The following CDH12 variants were observed in gnomAD, a reference collection of about 807,000 sequenced individuals.
CDH12 encodes cadherin 12, also known as cadherin-12.
CDH12 carries 41 observed loss-of-function variants against 74.1 expected under a neutral mutation model. That is an observed-to-expected ratio of 0.55 (90% CI 0.43 to 0.72). CDH12 has a LOEUF of 0.72. Ranked by LOEUF, CDH12 falls within the 30% of genes least tolerant of loss-of-function variation. The pLI, the probability that CDH12 is intolerant of heterozygous loss-of-function variation, is 0.00. For missense variants in CDH12, 945 were observed against 977.2 expected, an observed-to-expected ratio of 0.97 and a Z score of 0.44; for synonymous variants, 399 against 355.0, an observed-to-expected ratio of 1.12 and a Z score of -1.39.
chr5:22,113,028 T>C (rs886294148), intron 4 of CDH12, among the ~76,000 whole-genome samples: 1 of 152,198 alleles, frequency 6.6e-6, no homozygotes. Flanking sequence ...TAAACTCCGA[T>C]ATTTTTGTCT....
intron 11 of CDH12, among the ~76,000 whole-genome samples, chr5:21,770,020 A>G (rs1745234532): frequency 6.6e-6 from 1 of 152,192 alleles, no homozygotes; most frequent in Non-Finnish European, 1.5e-5. Flanking sequence ...TAACTAACTC[A>G]GAGAGCAAGA....
At chr5:22,850,676 G>A (rs989406423) in intron 1 of CDH12, among the ~76,000 whole-genome samples, 1 of 151,864 alleles carries the variant, frequency 6.6e-6, no homozygotes, top group Non-Finnish European at 1.5e-5. Flanking sequence ...GCTAGAAGAT[G>A]AACAGGATAA....
chr5:22,526,388 A>T (rs764021993), intron 1 of CDH12, among the ~76,000 whole-genome samples: 8 of 152,216 alleles, frequency 5.3e-5, no homozygotes, highest in Non-Finnish European at 1.0e-4. Flanking sequence ...ATTATGACAT[A>T]GACCCGGAGA....
At chr5:21,951,040 G>C (rs1755837837) in intron 6 of CDH12, among the ~76,000 whole-genome samples, 1 of 151,770 alleles carries the variant, frequency 6.6e-6, no homozygotes. Flanking sequence ...GCCAGTCTCA[G>C]CCTCCCAAAG....
intron 8 of CDH12, among the ~76,000 whole-genome samples, chr5:21,826,508 G>A (rs1465013997): frequency 6.6e-6 from 1 of 152,060 alleles, no homozygotes; most frequent in Non-Finnish European, 1.5e-5. Flanking sequence ...CTTCTTTTCT[G>A]TTACTGCAGA....
chr5:22,216,746 C>G (rs1482315912), intron 3 of CDH12, among the ~76,000 whole-genome samples: 3 of 151,772 alleles, frequency 2.0e-5, no homozygotes, highest in African/African-American at 7.3e-5. Context: ...CGCACATATA[C>G]TCATGAGTTT....
chr5:22,223,538 G>T (rs564939697), intron 3 of CDH12, among the ~76,000 whole-genome samples: 10 of 152,100 alleles, frequency 6.6e-5, no homozygotes, highest in Admixed American at 6.6e-4. Context: ...AGATTTTATG[G>T]TTAAGTTTTA....
intron 5 of CDH12, among the ~76,000 whole-genome samples, chr5:21,999,583 G>A (rs10056037): frequency 0.2 from 30,333 of 151,876 alleles, 3,654 homozygotes; most frequent in African/African-American, 0.32. Context: ...TATAATGTTC[G>A]TGATAAATCT....
At chr5:22,814,185 A>G (rs189959156) in intron 1 of CDH12, among the ~76,000 whole-genome samples, 9 of 152,324 alleles carry the variant, frequency 5.9e-5, no homozygotes, top group Admixed American at 3.9e-4. Context: ...GGTACATTAA[A>G]TATTATAAAT....
chr5:21,780,563 A>G (rs142254919), intron 11 of CDH12, among the ~76,000 whole-genome samples: 316 of 152,342 alleles, frequency 2.1e-3, no homozygotes, highest in Non-Finnish European at 3.5e-3. Context: ...CACCTGTTTC[A>G]TGTGTGTATG....
At chr5:22,014,543 G>A (rs1373248916) in intron 5 of CDH12, among the ~76,000 whole-genome samples, 2 of 151,948 alleles carry the variant, frequency 1.3e-5, no homozygotes, top group Non-Finnish European at 2.9e-5. Flanking sequence ...ACCTTTTCTT[G>A]ATGGTGTAGG....
chr5:22,245,677 T>A (rs1161339248), intron 3 of CDH12, among the ~76,000 whole-genome samples: 2 of 151,796 alleles, frequency 1.3e-5, no homozygotes, highest in Non-Finnish European at 2.9e-5. Context: ...TCATATATAT[T>A]TAAATCTGTA....
At chr5:22,701,242 T>G (rs1742698107) in intron 1 of CDH12, among the ~76,000 whole-genome samples, 1 of 152,124 alleles carries the variant, frequency 6.6e-6, no homozygotes, top group Non-Finnish European at 1.5e-5. Context: ...CTACTATTAC[T>G]CTCTAAGTTC....
intron 3 of CDH12, among the ~76,000 whole-genome samples, chr5:22,260,877 T>C (rs1292742947): frequency 6.6e-6 from 1 of 151,992 alleles, no homozygotes; most frequent in Non-Finnish European, 1.5e-5. Context: ...CTTTGACTCA[T>C]AGAATTATAT....
At chr5:21,890,457 G>C (rs958869911) in intron 6 of CDH12, among the ~76,000 whole-genome samples, 5 of 152,046 alleles carry the variant, frequency 3.3e-5, no homozygotes, top group Non-Finnish European at 5.9e-5. Context: ...AGAGTGAAAA[G>C]AACTATACAG....
intron 1 of CDH12, among the ~76,000 whole-genome samples, chr5:22,618,360 A>C (rs913329715): frequency 6.6e-6 from 1 of 152,142 alleles, no homozygotes. Context: ...TCTAGGATCA[A>C]CATTACAAGG....
intron 1 of CDH12, among the ~76,000 whole-genome samples, chr5:22,570,686 T>C (rs1198046915): frequency 7.4e-6 from 1 of 135,438 alleles, no homozygotes; most frequent in Non-Finnish European, 1.7e-5. Flanking sequence ...TGAAATGATA[T>C]TTGAAATGAT....
At position 22,117,226 on chromosome 5, in the gene CDH12, A is replaced by G. The variant is rs560837179; in HGVS notation, c.-186-38364T>C. 3.5e-4 allele frequency among the ~76,000 whole-genome samples: 53 copies of G among 150,520 alleles called. No individual in the cohort carries two copies. In the South Asian group the frequency reaches 0.011, roughly 31 times the overall value. ...AATATTGATTTCACTTCTTGTATAT[A>G]CTAAATTATTTCTAGTAGCTTTAAA... On this transcript the variant is annotated intron_variant, in intron 4 of 14. Transcript: ENST00000382254.
chr5:21,865,956 A>G (rs1315569394), intron 6 of CDH12, among the ~76,000 whole-genome samples: 1 of 152,176 alleles, frequency 6.6e-6, no homozygotes, highest in Non-Finnish European at 1.5e-5. Flanking sequence ...CATGTGAGAT[A>G]ATTGAATCAT....
Sources: allele counts gnomAD v4.1 joint callset (sites outside exome capture counted in the v4.1 genomes callset), GRCh38; gene constraint gnomAD v4.1.1; transcripts MANE v1.5; gene names NCBI Gene and HGNC (gene_info 2026-07-23, HGNC 2026-07-21).